The following SGCZ variants were observed in gnomAD, a reference collection of about 807,000 sequenced individuals.
SGCZ encodes sarcoglycan zeta.
Under a neutral mutation model 41.3 loss-of-function variants are expected in SGCZ, and 40 were observed. The observed-to-expected ratio is 0.97, with a 90% CI of 0.75 to 1.26. The LOEUF is 1.26. Ranked by LOEUF, SGCZ falls within the 50% of genes most tolerant of loss-of-function variation. The pLI is 0.00. For missense variants in SGCZ, 552 were observed against 369.8 expected (o/e 1.49, Z -4.04); for synonymous variants, 206 against 137.5 (o/e 1.50, Z -3.49).
intron 1 of SGCZ, among the ~76,000 whole-genome samples, chr8:15,038,494 A>C (rs908912865): frequency 1.3e-5 from 2 of 151,758 alleles, no homozygotes; most frequent in Non-Finnish European, 2.9e-5. Context: ...ACCTTGAACT[A>C]TAAAACTACT....
At chr8:15,068,812 C>T (rs991218538) in intron 1 of SGCZ, among the ~76,000 whole-genome samples, 1 of 152,184 alleles carries the variant, frequency 6.6e-6, no homozygotes, top group East Asian at 1.9e-4. Flanking sequence ...GCAATATACA[C>T]AGTCAACCCA....
At chr8:14,666,324 A>G (rs1336868876) in intron 1 of SGCZ, among the ~76,000 whole-genome samples, 1 of 152,196 alleles carries the variant, frequency 6.6e-6, no homozygotes, top group African/African-American at 2.4e-5. Context: ...ACTCACAATC[A>G]GAGACTTGCA....
chr8:14,284,968 A>C (rs1029058091), intron 3 of SGCZ, among the ~76,000 whole-genome samples: 8 of 152,080 alleles, frequency 5.3e-5, no homozygotes, highest in Non-Finnish European at 8.8e-5. Context: ...ATTTTCTATA[A>C]AAGTCTATGA....
chr8:14,434,698 T>G (rs1800038704), intron 2 of SGCZ, among the ~76,000 whole-genome samples: 1 of 152,090 alleles, frequency 6.6e-6, no homozygotes, highest in Non-Finnish European at 1.5e-5. Flanking sequence ...TGGCTAGGTA[T>G]AGTTCCAAAT....
At chr8:15,003,260 C>T (rs1012615382) in intron 1 of SGCZ, among the ~76,000 whole-genome samples, 2 of 151,994 alleles carry the variant, frequency 1.3e-5, no homozygotes, top group Admixed American at 6.6e-5. Context: ...CTCTGAAAGA[C>T]GAAGCAGAGA....
At chr8:15,162,532 A>G (rs192604277) in intron 1 of SGCZ, among the ~76,000 whole-genome samples, 1 of 152,330 alleles carries the variant, frequency 6.6e-6, no homozygotes, top group African/African-American at 2.4e-5. Context: ...TGATACTCAG[A>G]TAATGTTAAT....
intron 2 of SGCZ, among the ~76,000 whole-genome samples, chr8:14,465,511 G>C (rs758722885): frequency 1.3e-5 from 2 of 151,722 alleles, no homozygotes; most frequent in Admixed American, 6.6e-5. Flanking sequence ...TTACTGATAA[G>C]AAAGGATTAA....
chr8:14,246,233 G>A (rs1799084472), intron 3 of SGCZ, among the ~76,000 whole-genome samples: 2 of 152,196 alleles, frequency 1.3e-5, no homozygotes, highest in African/African-American at 4.8e-5. Context: ...TTAAGAAAAT[G>A]TGGCACATAG....
intron 1 of SGCZ, among the ~76,000 whole-genome samples, chr8:14,902,842 A>G (rs184460005): frequency 1.1e-3 from 167 of 152,242 alleles, no homozygotes; most frequent in African/African-American, 3.8e-3. Flanking sequence ...TCAGAAGTCT[A>G]CTTTCAATTT....
At chr8:14,192,035 A>G (rs1306189044) in intron 4 of SGCZ, among the ~76,000 whole-genome samples, 1 of 152,100 alleles carries the variant, frequency 6.6e-6, no homozygotes. Context: ...AGGAGGTAAT[A>G]CAAAATTCTT....
At chr8:15,011,734 C>G (rs1262091525) in intron 1 of SGCZ, among the ~76,000 whole-genome samples, 1 of 152,144 alleles carries the variant, frequency 6.6e-6, no homozygotes, top group Non-Finnish European at 1.5e-5. Flanking sequence ...AAAATCATGT[C>G]TGCTTAAAAT....
intron 2 of SGCZ, among the ~76,000 whole-genome samples, chr8:14,545,944 A>G (rs1803612694): frequency 6.6e-6 from 1 of 152,180 alleles, no homozygotes; most frequent in Non-Finnish European, 1.5e-5. Flanking sequence ...AAAAGAACTT[A>G]TCACTTGGTA....
intron 1 of SGCZ, among the ~76,000 whole-genome samples, chr8:14,897,604 A>C (rs1805249414): frequency 6.6e-6 from 1 of 152,230 alleles, no homozygotes; most frequent in East Asian, 1.9e-4. Context: ...AATGTGAATT[A>C]GTCACAGCTA....
chr8:14,291,018 G>A (rs1800821982), intron 3 of SGCZ, among the ~76,000 whole-genome samples: 1 of 152,034 alleles, frequency 6.6e-6, no homozygotes, highest in Admixed American at 6.6e-5. Flanking sequence ...TATAAAAAAT[G>A]AAATCCTGTT....
chr8:15,054,909 T>A (rs1804648476), intron 1 of SGCZ, among the ~76,000 whole-genome samples: 1 of 147,226 alleles, frequency 6.8e-6, no homozygotes, highest in South Asian at 2.1e-4. Flanking sequence ...TTGCAGTGAG[T>A]CAAAATTGTG....
At chr8:14,237,733 A>T (rs1563203880) in intron 3 of SGCZ, 54 bp from the exon 4 acceptor site, 4 of 1,509,904 alleles carry the variant, frequency 2.6e-6, no homozygotes, top group East Asian at 2.3e-5. Flanking sequence ...CGTCAAATTT[A>T]CAAAAAAATA....
intron 1 of SGCZ, among the ~76,000 whole-genome samples, chr8:14,782,383 T>C (rs1800618455): frequency 1.3e-5 from 2 of 152,240 alleles, no homozygotes; most frequent in Non-Finnish European, 2.9e-5. Flanking sequence ...GCTTCTGTTT[T>C]GTTTTGTCTT....
intron 1 of SGCZ, among the ~76,000 whole-genome samples, chr8:14,907,087 G>GGTCACTGA (rs1799138889): frequency 1.3e-5 from 2 of 151,972 alleles, no homozygotes; most frequent in African/African-American, 2.4e-5. Flanking sequence ...CATGTCACTG[G>GGTCACTGA]GTCACTGAAA....
At chr8:14,284,739 A>AT (rs1010538715) in intron 3 of SGCZ, among the ~76,000 whole-genome samples, 12 of 151,980 alleles carry the variant, frequency 7.9e-5, no homozygotes, top group African/African-American at 1.9e-4. Flanking sequence ...TTAATTTGGA[A>AT]TTTTTTTTAA....
Sources: allele counts gnomAD v4.1 joint callset (sites outside exome capture counted in the v4.1 genomes callset), GRCh38; gene constraint gnomAD v4.1.1; transcripts MANE v1.5; gene names NCBI Gene and HGNC (gene_info 2026-07-23, HGNC 2026-07-21).